The following CYP39A1 variants were observed in gnomAD, a reference collection of about 807,000 sequenced individuals.
CYP39A1 encodes cytochrome P450 family 39 subfamily A member 1.
A neutral mutation model predicts 58.1 loss-of-function variants in CYP39A1; 49 were observed. The ratio of observed to expected loss-of-function variants is 0.84; its 90% confidence interval spans 0.67 to 1.07. The LOEUF (loss-of-function observed/expected upper bound fraction) is 1.07. Ranked by LOEUF, CYP39A1 falls within the 50% of genes least tolerant of loss-of-function variation. The pLI, the probability that CYP39A1 is intolerant of heterozygous loss-of-function variation, is 0.00. For missense variants in CYP39A1, 531 were observed against 539.4 expected (o/e 0.98, Z 0.16); for synonymous variants, 209 against 187.6 (o/e 1.11, Z -0.93).
At chr6:46,610,526 T>C (rs1170241033) in intron 7 of CYP39A1, among the ~76,000 whole-genome samples, 2 of 151,922 alleles carry the variant, frequency 1.3e-5, no homozygotes, top group Non-Finnish European at 2.9e-5. Flanking sequence ...TTTTTAATTT[T>C]CATAGAGACA....
intron 5 of CYP39A1, among the ~76,000 whole-genome samples, chr6:46,634,414 G>T (rs2150585115): frequency 6.6e-6 from 1 of 151,988 alleles, no homozygotes; most frequent in Admixed American, 6.6e-5. Flanking sequence ...ATACAAATAG[G>T]GAGTTAAGAG....
At chr6:46,580,555 G>A (rs972166615) in intron 10 of CYP39A1, among the ~76,000 whole-genome samples, 6 of 152,024 alleles carry the variant, frequency 3.9e-5, no homozygotes, top group African/African-American at 7.2e-5. Flanking sequence ...AACTGTCAAC[G>A]GAGTAAACAG....
In CYP39A1 at chr6:46,564,138, C is replaced by CTATTCTATTT. The variant is rs1266421650; in HGVS notation, c.1251-10294_1251-10285dup. 1.9e-3 allele frequency among the ~76,000 whole-genome samples: 226 copies of CTATTCTATTT among 118,962 alleles called. 3 individuals are homozygous for CTATTCTATTT. Among genetic ancestry groups the CTATTCTATTT allele is most frequent in the African/African-American group, 8.5e-3 (171 of 20,132 alleles). The allele number at this position is 118,962 out of a possible 152,430, so 78.0% of individuals were successfully genotyped here. A position where few individuals can be genotyped will look rare whatever the true frequency, so the allele number is the denominator to read the frequency against. The stretch of plus-strand genomic sequence containing the variant: ...TTATTCTATTTTATTCTATTTTATT[C>CTATTCTATTT]TATTCTATTTTATTCTATTTTATTC... On this transcript the variant is annotated intron_variant, in intron 10 of 11. Transcript: ENST00000275016.
At chr6:46,652,050 C>A (rs936335212) in intron 1 of CYP39A1, among the ~76,000 whole-genome samples, 5 of 152,220 alleles carry the variant, frequency 3.3e-5, no homozygotes, top group African/African-American at 7.2e-5. Flanking sequence ...ATACGAATTA[C>A]TCATTTTCAC....
At chr6:46,607,510 G>C (rs1773921979) in intron 7 of CYP39A1, among the ~76,000 whole-genome samples, 1 of 150,886 alleles carries the variant, frequency 6.6e-6, no homozygotes, top group African/African-American at 2.5e-5. Flanking sequence ...TGCAGACATA[G>C]TAAGTAAATA....
chr6:46,629,206 T>C (rs1775503288), intron 6 of CYP39A1, among the ~76,000 whole-genome samples: 1 of 152,204 alleles, frequency 6.6e-6, no homozygotes, highest in Admixed American at 6.5e-5. Flanking sequence ...AAATGAATGA[T>C]TTAAATCCTT....
chr6:46,558,912 C>T (rs944162584), intron 10 of CYP39A1, among the ~76,000 whole-genome samples: 2 of 149,534 alleles, frequency 1.3e-5, no homozygotes, highest in South Asian at 2.1e-4. Context: ...AGGAGAATTG[C>T]TTGAACCTGG....
intron 10 of CYP39A1, among the ~76,000 whole-genome samples, chr6:46,585,165 G>A (rs1467245721): frequency 6.6e-6 from 1 of 152,098 alleles, no homozygotes; most frequent in Non-Finnish European, 1.5e-5. Context: ...CATCATGGAA[G>A]GTAGTAATAG....
At chr6:46,616,282 T>TCCTTCCTTCCTTCCTTCCTTCCTTCCTC (rs1237614250) in intron 7 of CYP39A1, among the ~76,000 whole-genome samples, 8 of 116,418 alleles carry the variant, frequency 6.9e-5, no homozygotes, top group African/African-American at 3.1e-4. Flanking sequence ...CTTCCTTCCT[T>TCCTTCCTTCCTTCCTTCCTTCCTTCCTC]CATCTTGCTC....
At chr6:46,558,257 A>G (rs1308735928) in intron 10 of CYP39A1, among the ~76,000 whole-genome samples, 1 of 151,298 alleles carries the variant, frequency 6.6e-6, no homozygotes, top group Non-Finnish European at 1.5e-5. Context: ...GGAATTTATG[A>G]AAAAAAAAGA....
intron 5 of CYP39A1, among the ~76,000 whole-genome samples, chr6:46,633,608 C>T (rs1775784838): frequency 6.6e-6 from 1 of 152,110 alleles, no homozygotes; most frequent in Admixed American, 6.6e-5. Flanking sequence ...CCTGTAATCC[C>T]AGCAGTTCGG....
At chr6:46,636,308 T>C (rs1451913180) in intron 5 of CYP39A1, 81 bp downstream of exon 5, 9 of 1,031,780 alleles carry the variant, frequency 8.7e-6, no homozygotes, top group East Asian at 5.2e-5. Flanking sequence ...ATCAATCTCA[T>C]GTGTTTTAGC....
chr6:46,570,875 C>G (rs907977776), intron 10 of CYP39A1, among the ~76,000 whole-genome samples: 7 of 152,172 alleles, frequency 4.6e-5, no homozygotes, highest in African/African-American at 1.7e-4. Context: ...TACTGAAGAT[C>G]ACATTTCAAC....
intron 5 of CYP39A1, among the ~76,000 whole-genome samples, chr6:46,635,925 T>C (rs1369558551): frequency 1.3e-5 from 2 of 152,158 alleles, no homozygotes; most frequent in East Asian, 3.9e-4. Flanking sequence ...GGGCCACATT[T>C]GAAGAACCAC....
At chr6:46,560,302 C>A (rs752320798) in intron 10 of CYP39A1, among the ~76,000 whole-genome samples, 9 of 152,064 alleles carry the variant, frequency 5.9e-5, no homozygotes, top group Non-Finnish European at 1.0e-4. Flanking sequence ...ATAAGAAAGC[C>A]ACTACAATTT....
chr6:46,646,338 T>C (rs1032892630), intron 1 of CYP39A1, among the ~76,000 whole-genome samples: 2 of 152,152 alleles, frequency 1.3e-5, no homozygotes, highest in Non-Finnish European at 2.9e-5. Flanking sequence ...GGAATGGATA[T>C]TGAATTTTGT....
Position 46,632,522 on chromosome 6 carries a change from C to T in CYP39A1, c.733-1452G>A, listed in dbSNP as rs547581039. Among the ~76,000 whole-genome samples the T allele has an allele frequency of 1.0e-3, 153 of 151,132 alleles. 2 individuals carry two copies. The South Asian group carries it at 0.012, about 11-fold the overall frequency. ...TTCAGGTTTGTTCTATAGGTAAAAT[C>T]GTGTCACAGGAGCTTGTTATAGATT... On this transcript the variant is annotated intron_variant, in intron 5 of 11. Transcript: ENST00000275016.
chr6:46,560,810 A>T (rs1393020249), intron 10 of CYP39A1, among the ~76,000 whole-genome samples: 1 of 152,154 alleles, frequency 6.6e-6, no homozygotes, highest in Non-Finnish European at 1.5e-5. Context: ...CCCTGGGGTA[A>T]TCCAAAATTT....
At chr6:46,578,893 T>A (rs2150501160) in intron 10 of CYP39A1, among the ~76,000 whole-genome samples, 1 of 152,142 alleles carries the variant, frequency 6.6e-6, no homozygotes, top group East Asian at 1.9e-4. Context: ...CTGGTACCAA[T>A]CTTGAAATTA....
Sources: gnomAD v4.1 joint callset for allele counts (sites outside exome capture counted in the v4.1 genomes callset) on GRCh38, gnomAD v4.1.1 for gene constraint, MANE v1.5 for transcripts, NCBI Gene and HGNC (gene_info 2026-07-23, HGNC 2026-07-21) for gene names.